Variants in COBL observed in about 807,000 individuals in gnomAD.
The protein encoded by COBL is cordon-bleu WH2 repeat protein.
A neutral mutation model predicts 98.8 loss-of-function variants in COBL; 51 were observed. The observed-to-expected ratio is 0.52, with a 90% CI of 0.41 to 0.65. The LOEUF (loss-of-function observed/expected upper bound fraction) is 0.65, where lower values mean the gene tolerates loss of function less well. Among genes scored for constraint, COBL ranks in the 30% least tolerant of loss-of-function variants. COBL has a pLI of 0.00. For missense variants in COBL, 1,617 were observed against 1,617.5 expected, an observed-to-expected ratio of 1.00 and a Z score of 0.01; for synonymous variants, 634 against 651.7, an observed-to-expected ratio of 0.97 and a Z score of 0.41.
At chr7:51,177,831 T>G (rs1788543450) in intron 5 of COBL, among the ~76,000 whole-genome samples, 1 of 150,668 alleles carries the variant, frequency 6.6e-6, no homozygotes, top group African/African-American at 2.4e-5. Context: ...TTTAAAAGGT[T>G]ATAAAAAAGA....
chr7:51,127,735 T>TG (rs1207794623), intron 6 of COBL, among the ~76,000 whole-genome samples: 2 of 152,120 alleles, frequency 1.3e-5, no homozygotes, highest in African/African-American at 4.8e-5. Context: ...GTGTGAAGGC[T>TG]GGGGGTGTTT....
chr7:51,159,838 C>A (rs1348374406), intron 5 of COBL, among the ~76,000 whole-genome samples: 5 of 152,192 alleles, frequency 3.3e-5, no homozygotes, highest in African/African-American at 1.2e-4. Context: ...AAACCCTCCT[C>A]TGATGGGTTC....
chr7:51,126,543 T>TA (rs1798222128), intron 6 of COBL, among the ~76,000 whole-genome samples: 1 of 152,136 alleles, frequency 6.6e-6, no homozygotes, highest in Non-Finnish European at 1.5e-5. Flanking sequence ...CCCTCATTCT[T>TA]AGACTTGAAA....
At chr7:51,086,738 A>G (rs1165580947) in intron 6 of COBL, among the ~76,000 whole-genome samples, 2 of 152,188 alleles carry the variant, frequency 1.3e-5, no homozygotes, top group East Asian at 3.8e-4. Flanking sequence ...AAGGAAGAAC[A>G]TAATCACTTT....
At chr7:51,272,218 C>A (rs1034722085) in intron 1 of COBL, among the ~76,000 whole-genome samples, 2 of 152,196 alleles carry the variant, frequency 1.3e-5, no homozygotes, top group Non-Finnish European at 2.9e-5. Context: ...TTGCATGCTT[C>A]AGTTCCCTCC....
intron 2 of COBL, among the ~76,000 whole-genome samples, chr7:51,205,674 C>T (rs572646054): frequency 1.8e-4 from 26 of 144,524 alleles, no homozygotes; most frequent in Admixed American, 1.5e-3. Flanking sequence ...AGATATGACA[C>T]TAAAAGCATA....
intron 4 of COBL, 79 bp downstream of exon 4, chr7:51,190,771 G>C (rs756128527): frequency 4.0e-5 from 47 of 1,169,074 alleles, no homozygotes; most frequent in Non-Finnish European, 5.5e-5. Flanking sequence ...AGAGTGCTGG[G>C]GAGAGCCAAC....
intron 1 of COBL, among the ~76,000 whole-genome samples, chr7:51,230,010 G>T (rs1563066428): frequency 6.6e-6 from 1 of 152,268 alleles, no homozygotes; most frequent in South Asian, 2.1e-4. Context: ...TGTGCAGGCT[G>T]CAGTATCACC....
chr7:51,316,521 C>T (rs944620240), intron 1 of COBL, 72 bp downstream of exon 1: 3 of 1,123,220 alleles, frequency 2.7e-6, no homozygotes, highest in East Asian at 7.1e-5. Flanking sequence ...CCCGGGAGCG[C>T]GCGGTGCGGA....
chr7:51,311,394 C>T (rs182051096), intron 1 of COBL, among the ~76,000 whole-genome samples: 34 of 152,314 alleles, frequency 2.2e-4, no homozygotes, highest in African/African-American at 7.9e-4. Context: ...GCAGAAAATA[C>T]ACACACTGTT....
intron 6 of COBL, among the ~76,000 whole-genome samples, chr7:51,107,741 G>C (rs1004524833): frequency 6.6e-6 from 1 of 152,122 alleles, no homozygotes; most frequent in African/African-American, 2.4e-5. Flanking sequence ...AGAACCCAAA[G>C]AGGCCCTTAG....
At chr7:51,250,907 A>G (rs572033621) in intron 1 of COBL, among the ~76,000 whole-genome samples, 78 of 152,226 alleles carry the variant, frequency 5.1e-4, no homozygotes, top group Non-Finnish European at 8.2e-4. Context: ...GGCCTCAGCC[A>G]CATCAAAGAA....
chr7:51,238,424 C>T (rs1481274476), intron 1 of COBL, among the ~76,000 whole-genome samples: 2 of 152,104 alleles, frequency 1.3e-5, no homozygotes, highest in Non-Finnish European at 2.9e-5. Flanking sequence ...AGTAGCGGGG[C>T]AGAGCTCTCA....
At chr7:51,299,596 T>C (rs1801732293) in intron 1 of COBL, among the ~76,000 whole-genome samples, 1 of 152,158 alleles carries the variant, frequency 6.6e-6, no homozygotes, top group Admixed American at 6.5e-5. Context: ...AGGAAGAGGC[T>C]GGCAGTCCTG....
intron 1 of COBL, among the ~76,000 whole-genome samples, chr7:51,269,802 A>T (rs988212040): frequency 6.6e-6 from 1 of 152,208 alleles, no homozygotes; most frequent in African/African-American, 2.4e-5. Context: ...TCACAGTTAC[A>T]CCAATGCTCC....
At position 51,028,301 on chromosome 7, in the gene COBL, G is replaced by A. The variant is rs929491254; in HGVS notation, c.2795C>T (p.Pro932Leu). The A allele has an allele frequency of 3.1e-6, 5 of 1,614,102 alleles. No individual in the cohort carries two copies. In the African/African-American group the frequency reaches 6.7e-5, roughly 22 times the overall value. Residue 932 changes from proline to leucine, a missense_variant, in exon 10 of 13, where the codon CCC (proline) becomes CTC (leucine). Transcript: ENST00000265136. ...TQGWKDGAQW[P>L]CVTPPNNHGE... ...GTGGTTGTTGGGAGGAGTGACACAG[G>A]GCCACTGGGCACCATCCTTCCATCC... is the stretch of plus-strand genomic sequence containing the variant.
At chr7:51,239,710 A>C (rs567103113) in intron 1 of COBL, among the ~76,000 whole-genome samples, 1 of 152,086 alleles carries the variant, frequency 6.6e-6, no homozygotes, top group East Asian at 1.9e-4. Flanking sequence ...TAAGAATACT[A>C]CTCGATGGGA....
Position 51,267,100 on chromosome 7 carries a change from GAGGCCACACAA to G in COBL, c.42-47167_42-47157del, listed in dbSNP as rs560016630. ...ACCACTCTCCCACCGCATAAATACA[GAGGCCACACAA>G]AGGCCCATGTTGGAAGAAAACCTTG... is the stretch of plus-strand genomic sequence containing the variant. On this transcript the variant is annotated intron_variant, in intron 1 of 12. Coordinates refer to ENST00000265136, the MANE Select transcript of COBL (RefSeq NM_015198.5). Among the ~76,000 whole-genome samples the G allele has an allele frequency of 1.1e-4, 16 of 152,164 alleles. No homozygotes were observed. In the East Asian group the frequency reaches 2.9e-3, roughly 28 times the overall value.
chr7:51,087,505 C>T (rs1308741733), intron 6 of COBL, among the ~76,000 whole-genome samples: 2 of 151,598 alleles, frequency 1.3e-5, no homozygotes, highest in Non-Finnish European at 1.5e-5. Context: ...GTTGTTGTTG[C>T]TTGTTTTTTT....
Sources: gnomAD v4.1 joint callset for allele counts (sites outside exome capture counted in the v4.1 genomes callset) on GRCh38, gnomAD v4.1.1 for gene constraint, MANE v1.5 for transcripts, NCBI Gene and HGNC (gene_info 2026-07-23, HGNC 2026-07-21) for gene names.